Variants in SLTM observed in about 807,000 individuals in gnomAD.
SLTM encodes SAFB like transcription modulator.
A neutral mutation model predicts 134.6 loss-of-function variants in SLTM; 43 were observed. The ratio of observed to expected loss-of-function variants is 0.32; its 90% CI spans 0.25 to 0.41. The LOEUF (loss-of-function observed/expected upper bound fraction) is 0.41. Ranked by LOEUF, SLTM falls within the 10% of genes least tolerant of loss-of-function variation. The pLI, the probability that SLTM is intolerant of heterozygous loss-of-function variation, is 1.00. For synonymous variants in SLTM, 424 were observed against 432.3 expected (o/e 0.98, Z 0.24); for missense variants, 1,055 against 1,288.8 (o/e 0.82, Z 2.78).
Position 58,899,789 on chromosome 15 carries a change from T to C in SLTM, c.738A>G (p.Thr246=). The change falls in exon 7 of 21, where the codon ACA becomes ACG. Residue 246 remains threonine, a synonymous_variant. Transcript: ENST00000380516. The surrounding 1 kb of genome is among the most constrained non-coding windows in gnomAD (Gnocchi z 5.0). ...KEAEDDNISV[T]IQAEDAITLD... ...GAGTGATGGCATCTTCAGCCTGGAT[T>C]GTGACCGAGATGTTGTCATCCTCAG... 6.2e-7 allele frequency: 1 copy of C among 1,614,152 alleles called. No individual in the cohort carries two copies. Among genetic ancestry groups the C allele is most frequent in the East Asian group, 2.2e-5 (1 of 44,890 alleles).
intron 2 of SLTM, among the ~76,000 whole-genome samples, chr15:58,927,502 A>G (rs948602010): frequency 5.3e-5 from 8 of 152,204 alleles, no homozygotes; most frequent in African/African-American, 1.9e-4. Flanking sequence ...AACTCCTGAC[A>G]TCAGGTGATC....
chr15:58,917,651 C>A (rs940947666), intron 2 of SLTM, among the ~76,000 whole-genome samples: 1 of 152,224 alleles, frequency 6.6e-6, no homozygotes, highest in Non-Finnish European at 1.5e-5. Flanking sequence ...GAAATTACTG[C>A]AGAGTGAAAA....
In SLTM at chr15:58,887,536, C is replaced by G; in HGVS notation, c.2380G>C (p.Asp794His). ...AVQSSSFERRDRFVGQSEGKK... is the reference protein window; with the variant it reads ...AVQSSSFERRHRFVGQSEGKK... ...CCCTCACTTTGACCAACAAAGCGAT[C>G]CCGCCTATTGATTAGAAACAAAGAA... is the stretch of plus-strand genomic sequence containing the variant. The change falls in exon 18 of 21, where the codon GAT becomes CAT. Residue 794 changes from aspartate to histidine, a missense_variant. Coordinates refer to ENST00000380516, the MANE Select transcript of SLTM (RefSeq NM_024755.4). 6.2e-7 allele frequency: 1 copy of G among 1,608,776 alleles called. No individual in the cohort carries two copies. The highest frequency in any genetic ancestry group is 8.5e-7 in the Non-Finnish European group (1 of 1,177,642).
In SLTM at chr15:58,899,403, A is replaced by G. The variant is rs774798351; in HGVS notation, c.1058+66T>C. Reference sequence around the variant, plus strand: ...TACATGTTCTTGAAGCCACCCCCTTAATGTAGAGTGATCTTATTGAATGCT... The same window carrying G: ...TACATGTTCTTGAAGCCACCCCCTTGATGTAGAGTGATCTTATTGAATGCT... On this transcript the variant is annotated intron_variant, in intron 7 of 20. Coordinates refer to ENST00000380516, the MANE Select transcript of SLTM (RefSeq NM_024755.4). The surrounding 1 kb of genome is among the most constrained non-coding windows in gnomAD (Gnocchi z 5.0). The G allele has an allele frequency of 7.7e-7, 1 of 1,296,172 alleles. No individual in the cohort carries two copies. The highest frequency in any genetic ancestry group is 1.1e-6 in the Non-Finnish European group (1 of 902,116). The allele number at this position is 1,296,172 out of a possible 1,614,324, so 80.3% of individuals were successfully genotyped here. A position where few individuals can be genotyped will look rare whatever the true frequency, so the allele number is the denominator to read the frequency against.
chr15:58,886,249 G>A (rs1301298982), intron 19 of SLTM, among the ~76,000 whole-genome samples: 7 of 143,790 alleles, frequency 4.9e-5, no homozygotes, highest in Admixed American at 6.8e-5. Flanking sequence ...GTGTGTGTGT[G>A]TGTGTGTGTG....
Position 58,933,446 on chromosome 15 carries a change from G to A in SLTM, c.120C>T (p.Asp40=). The A allele has an allele frequency of 6.3e-7, 1 of 1,594,774 alleles. No individual in the cohort carries two copies. Among genetic ancestry groups the A allele is most frequent in the Non-Finnish European group, 8.5e-7 (1 of 1,171,396 alleles). ...LKSELKRRNL[D]ITGVKTVLIS... is the part of the protein sequence containing the mutation. Reference sequence around the variant, plus strand: ...TGAGCACGGTCTTGACTCCGGTGATGTCTAAGTTCCGCCGCTTCAGCTCGG... The same window carrying A: ...TGAGCACGGTCTTGACTCCGGTGATATCTAAGTTCCGCCGCTTCAGCTCGG... The change falls in exon 1 of 21, where the codon GAC becomes GAT. Residue 40 remains aspartate (D), a synonymous_variant. Coordinates refer to ENST00000380516, the MANE Select transcript of SLTM (RefSeq NM_024755.4).
chr15:58,893,870 A>C lies in SLTM; in HGVS notation c.1599T>G (p.Ser533Arg), dbSNP rs1415795498. 1 of 1,613,140 alleles carries C rather than the reference A, an allele frequency of 6.2e-7. No homozygotes were observed. Residue 533 changes from serine (S) to arginine (R), a missense_variant, in exon 12 of 21, where the codon AGT becomes AGG. This residue lies in a region of SLTM where 776 missense variants were observed against 962.2 expected (regional missense o/e 0.81). Transcript: ENST00000380516. ...TTTTAATCGATTCTGATGTTTGGCC[A>C]CTTGCTCCATTATCATTCTTCTCAT... ...GKDEKNDNGA[S>R]GQTSESIKKS...
At chr15:58,900,286 A>G (rs1221969832) in intron 6 of SLTM, 3 of 208,364 alleles carry the variant, frequency 1.4e-5, no homozygotes, top group Middle Eastern at 2.0e-3. Context: ...TTGTTGTTCA[A>G]TGCTGGAATT....
intron 20 of SLTM, chr15:58,883,393 C>T (rs184253203): frequency 2.8e-5 from 15 of 529,534 alleles, no homozygotes; most frequent in African/African-American, 2.7e-4. Flanking sequence ...ATATCTATAT[C>T]AACTTGCCAG....
intron 16 of SLTM, 33 bp from the exon 17 acceptor site, chr15:58,888,588 T>G: frequency 6.2e-7 from 1 of 1,608,954 alleles, no homozygotes; most frequent in South Asian, 1.1e-5. Context: ...TTTACATAAA[T>G]TAGTTCTACA....
At chr15:58,913,863 G>C in intron 3 of SLTM, 167 bp from the exon 4 acceptor site, 1 of 523,530 alleles carries the variant, frequency 1.9e-6, no homozygotes, top group Admixed American at 3.6e-5. Flanking sequence ...TTTAAAAATA[G>C]GTCTAATACC....
chr15:58,898,256 A>G (rs1023702519), intron 8 of SLTM: 3 of 152,158 alleles, frequency 2.0e-5, no homozygotes, highest in Admixed American at 1.3e-4. Flanking sequence ...GTATTTTTCA[A>G]GTAAACACAG....
chr15:58,928,788 A>T (rs2037660728), intron 2 of SLTM, among the ~76,000 whole-genome samples: 1 of 152,128 alleles, frequency 6.6e-6, no homozygotes, highest in African/African-American at 2.4e-5. Flanking sequence ...TCTTTTCCTG[A>T]CCAGCTATTA....
intron 19 of SLTM, among the ~76,000 whole-genome samples, chr15:58,886,648 T>C (rs1438963502): frequency 2.0e-5 from 3 of 152,118 alleles, no homozygotes; most frequent in African/African-American, 7.2e-5. Flanking sequence ...AAAGCCTCAA[T>C]TTCTTAAAAA....
intron 2 of SLTM, among the ~76,000 whole-genome samples, chr15:58,929,627 T>C (rs2037729018): frequency 6.6e-6 from 1 of 152,212 alleles, no homozygotes; most frequent in Non-Finnish European, 1.5e-5. Flanking sequence ...GGTCTCACTA[T>C]GTTGCTCAGG....
intron 2 of SLTM, among the ~76,000 whole-genome samples, chr15:58,925,183 G>A (rs1275048384): frequency 6.6e-6 from 1 of 151,610 alleles, no homozygotes; most frequent in Non-Finnish European, 1.5e-5. Context: ...CTTCCCAATT[G>A]CATGGAGTAT....
chr15:58,888,321 G>C (rs2034388809), intron 17 of SLTM, 64 bp downstream of exon 17: 1 of 1,406,700 alleles, frequency 7.1e-7, no homozygotes, highest in Non-Finnish European at 9.7e-7. Context: ...TAAGATTTTA[G>C]GAGAAACAGA....
At chr15:58,897,457 G>C (rs1482611990) in intron 8 of SLTM, 10 of 405,250 alleles carry the variant, frequency 2.5e-5, no homozygotes, top group African/African-American at 1.6e-4. Flanking sequence ...AAGTTGAAGA[G>C]GGTAAAAAAA....
intron 2 of SLTM, among the ~76,000 whole-genome samples, chr15:58,924,772 CCTTTTTA>C (rs1212371761): frequency 6.6e-6 from 1 of 152,160 alleles, no homozygotes; most frequent in African/African-American, 2.4e-5. Flanking sequence ...TTGCAATTTT[CCTTTTTA>C]AGTTCAGAAA....
Sources: gnomAD v4.1 joint callset for allele counts (sites outside exome capture counted in the v4.1 genomes callset) on GRCh38, gnomAD v4.1.1 for gene constraint, gnomAD v4.1.1 regional missense constraint, Gnocchi (gnomAD v3.1) non-coding constraint, MANE v1.5 for transcripts, NCBI Gene and HGNC (gene_info 2026-07-23, HGNC 2026-07-21) for gene names.